The following TMEM255B variants were observed in gnomAD, a reference collection of about 807,000 sequenced individuals.
TMEM255B encodes transmembrane protein 255B.
A neutral mutation model predicts 34.5 loss-of-function variants in TMEM255B; 35 were observed. That is an observed-to-expected ratio of 1.01 (90% CI 0.77 to 1.34). The LOEUF (loss-of-function observed/expected upper bound fraction) is 1.34. TMEM255B is among the 40% of genes most tolerant of loss of function. TMEM255B has a pLI of 0.00. For synonymous variants in TMEM255B, 206 were observed against 201.2 expected (o/e 1.02, Z -0.20); for missense variants, 432 against 433.2 (o/e 1.00, Z 0.02).
intron 3 of TMEM255B, among the ~76,000 whole-genome samples, chr13:113,789,422 G>A (rs1404985404): frequency 6.6e-6 from 1 of 152,166 alleles, no homozygotes; most frequent in Non-Finnish European, 1.5e-5. Context: ...TTCCTGCTAT[G>A]CACGTTCTAG....
rs2051356833 is a variant in TMEM255B at position 113,813,005 on chromosome 13, A to ACGGGCCCCGGGTGAGTCACGGGTCCCGG, written c.*1102_*1103insCGGGCCCCGGGTGAGTCACGGGTCCCGG. 1 of 104,066 alleles carries ACGGGCCCCGGGTGAGTCACGGGTCCCGG rather than the reference A, an allele frequency of 9.6e-6. No homozygotes were observed. Among genetic ancestry groups the ACGGGCCCCGGGTGAGTCACGGGTCCCGG allele is most frequent in the African/African-American group, 5.1e-5 (1 of 19,770 alleles). 6.4% of individuals were successfully genotyped at this position (104,066 alleles called of 1,614,324 possible). On this transcript the variant is annotated 3_prime_UTR_variant, in exon 9 of 9. Transcript: ENST00000375353. ...GGTCCCGGGTGGGTCACGGGTCCCG[A>ACGGGCCCCGGGTGAGTCACGGGTCCCGG]GTGGGTCACGGGTCCCGGGTGGGTC...
chr13:113,792,394 C>T (rs1378738404), intron 3 of TMEM255B, among the ~76,000 whole-genome samples: 1 of 152,256 alleles, frequency 6.6e-6, no homozygotes, highest in Non-Finnish European at 1.5e-5. Flanking sequence ...ACCCCTAGCC[C>T]TGCACATCGT....
Position 113,811,884 on chromosome 13 carries a change from C to T in TMEM255B, c.962C>T (p.Pro321Leu). ...APTYFPPGEK[P>L]PPYAP is the part of the protein sequence containing the mutation. ...ACCTACTTTCCCCCGGGGGAGAAGC[C>T]ACCCCCCTACGCACCCTGATAGAGG... Residue 321 changes from proline to leucine, a missense_variant, in exon 9 of 9, where the codon CCA becomes CTA. Coordinates refer to ENST00000375353, the MANE Select transcript of TMEM255B (RefSeq NM_182614.4). 3 of 1,612,918 alleles carry T rather than the reference C, an allele frequency of 1.9e-6. No homozygotes were observed. Among genetic ancestry groups the T allele is most frequent in the Non-Finnish European group, 2.5e-6 (3 of 1,179,282 alleles).
chr13:113,777,794 T>C (rs1022391553), intron 3 of TMEM255B, among the ~76,000 whole-genome samples: 1 of 152,216 alleles, frequency 6.6e-6, no homozygotes, highest in Non-Finnish European at 1.5e-5. Flanking sequence ...CTGTGCAGCC[T>C]GGGCGGCCTC....
chr13:113,764,864 C>T (rs2050363515), intron 1 of TMEM255B, among the ~76,000 whole-genome samples: 1 of 152,188 alleles, frequency 6.6e-6, no homozygotes, highest in Non-Finnish European at 1.5e-5. Flanking sequence ...GATGCTGCAA[C>T]AAGCCTGCCT....
intron 8 of TMEM255B, among the ~76,000 whole-genome samples, chr13:113,808,807 T>C (rs2051239533): frequency 2.9e-5 from 3 of 104,520 alleles, no homozygotes; most frequent in Admixed American, 1.0e-4. Context: ...GGGGGGTTAC[T>C]CCATGTTTCC....
intron 7 of TMEM255B, among the ~76,000 whole-genome samples, chr13:113,802,097 C>T (rs1283852191): frequency 6.6e-6 from 1 of 152,228 alleles, no homozygotes; most frequent in Admixed American, 6.5e-5. Flanking sequence ...AGAGGGAGGC[C>T]CAGCCCTTGT....
intron 3 of TMEM255B, among the ~76,000 whole-genome samples, chr13:113,782,677 G>GT (rs765997226): frequency 1.1e-4 from 17 of 150,338 alleles, no homozygotes; most frequent in South Asian, 4.2e-4. Flanking sequence ...ATGGTCGGAG[G>GT]GGGGGGCTTC....
Position 113,812,919 on chromosome 13 carries a change from A to ACAGGTCCCGGGTGG in TMEM255B, c.*1016_*1017insCAGGTCCCGGGTGG, listed in dbSNP as rs1566341800. 7.2e-5 allele frequency: 5 copies of ACAGGTCCCGGGTGG among 69,786 alleles called. No homozygotes were observed. Among genetic ancestry groups the ACAGGTCCCGGGTGG allele is most frequent in the Middle Eastern group, 8.1e-3 (1 of 124 alleles). The allele number at this position is 69,786 out of a possible 1,614,324, so 4.3% of individuals were successfully genotyped here. A position where few individuals can be genotyped will look rare whatever the true frequency, so the allele number is the denominator to read the frequency against. On this transcript the variant is annotated 3_prime_UTR_variant, in exon 9 of 9. Coordinates refer to ENST00000375353, the MANE Select transcript of TMEM255B (RefSeq NM_182614.4). ...CCGGGTGAGTCACAGGCCCCGGGTG[A>ACAGGTCCCGGGTGG]GTCACGGGTCCCGGGTGGGTCACGG... is the stretch of plus-strand genomic sequence containing the variant.
rs948858969 is a variant in TMEM255B, at chr13:113,799,679, G to T, written c.423+260G>T. On this transcript the variant is annotated intron_variant, in intron 5 of 8. Coordinates refer to ENST00000375353, the MANE Select transcript of TMEM255B (RefSeq NM_182614.4). ...TCTCAGAGTGCACGTGTCCAGTTCT[G>T]TATGGCTCTTCCAATTAGCATTTTT... 4 of 676,748 alleles carry T rather than the reference G, an allele frequency of 5.9e-6. No individual in the cohort carries two copies. In the East Asian group the frequency reaches 8.1e-5, roughly 14 times the overall value. 41.9% of individuals were successfully genotyped at this position (676,748 alleles called of 1,614,324 possible). A position where few individuals can be genotyped will look rare whatever the true frequency, so the allele number is the denominator to read the frequency against.
Position 113,776,768 on chromosome 13 carries a change from G to T in TMEM255B, c.252+7608G>T, listed in dbSNP as rs1041002705. Among the ~76,000 whole-genome samples, 16 of 152,158 alleles carry T rather than the reference G, an allele frequency of 1.1e-4. 1 individual carries two copies. The highest frequency in any genetic ancestry group is 2.9e-5 in the Non-Finnish European group (2 of 68,022). On this transcript the variant is annotated intron_variant, in intron 3 of 8. Coordinates refer to ENST00000375353, the MANE Select transcript of TMEM255B (RefSeq NM_182614.4). ...GGCGCAGGCGACCTGTTCCTACCTT[G>T]GTTTTCCCTTGGTTGTCTCCCATCC...
At chr13:113,779,714 C>A (rs2050638282) in intron 3 of TMEM255B, among the ~76,000 whole-genome samples, 1 of 152,038 alleles carries the variant, frequency 6.6e-6, no homozygotes, top group Non-Finnish European at 1.5e-5. Flanking sequence ...TCAGTGATTT[C>A]CAGTTAGAAA....
chr13:113,788,854 A>G (rs969198587), intron 3 of TMEM255B, among the ~76,000 whole-genome samples: 5 of 151,498 alleles, frequency 3.3e-5, no homozygotes, highest in Admixed American at 6.6e-5. Flanking sequence ...CTCCCCTCCC[A>G]CTGACCACTG....
intron 7 of TMEM255B, 66 bp downstream of exon 7, chr13:113,801,878 G>T (rs998937670): frequency 1.4e-6 from 2 of 1,469,696 alleles, no homozygotes; most frequent in South Asian, 1.4e-5. Context: ...ATTTCCCCGG[G>T]GTGGGCTGGG....
chr13:113,811,770 C>T lies in TMEM255B; in HGVS notation c.848C>T (p.Ala283Val). The change falls in exon 9 of 9, where the codon GCC becomes GTC. Residue 283 changes from alanine to valine, a missense_variant. By Grantham distance (64) the Ala-to-Val change is moderately conservative. Transcript: ENST00000375353. ...CSRFPVAPSS[A>V]LASSEDLQPP... is the part of the protein sequence containing the mutation. ...CGCTTCCCAGTTGCGCCCTCCTCTG[C>T]CCTGGCTTCGTCTGAGGACCTGCAG... 1 of 1,613,904 alleles carries T rather than the reference C, an allele frequency of 6.2e-7. No individual in the cohort carries two copies. The highest frequency in any genetic ancestry group is 8.5e-7 in the Non-Finnish European group (1 of 1,179,906).
At chr13:113,761,336 C>G in intron 1 of TMEM255B, 3 of 985,350 alleles carry the variant, frequency 3.0e-6, no homozygotes, top group Non-Finnish European at 3.6e-6. Context: ...TCCAGCCTCG[C>G]GTGTCTTCCA....
intron 4 of TMEM255B, among the ~76,000 whole-genome samples, chr13:113,796,180 A>G (rs2050929867): frequency 1.4e-5 from 2 of 142,020 alleles, no homozygotes; most frequent in South Asian, 4.7e-4. Flanking sequence ...CACACCACAC[A>G]ACACACAGAG....
chr13:113,800,899 T>C lies in TMEM255B; in HGVS notation c.496T>C (p.Tyr166His). 1 of 1,609,540 alleles carries C rather than the reference T, an allele frequency of 6.2e-7. No homozygotes were observed. Among genetic ancestry groups the C allele is most frequent in the South Asian group, 1.1e-5 (1 of 90,102 alleles). Residue 166 changes from tyrosine (Y) to histidine (H), a missense_variant, in exon 6 of 9, where the codon TAT (tyrosine) becomes CAT (histidine). Physicochemically the swap from Tyr to His is moderately conservative, Grantham distance 83. Coordinates refer to ENST00000375353, the MANE Select transcript of TMEM255B (RefSeq NM_182614.4). ...CAACACCTGTTACTGCTGTGACCTC[T>C]ATGCCTGCGGGAGGTGAGGGGCACC... ...RSNTCYCCDL[Y>H]ACGSAEPSPA...
At position 113,799,470 on chromosome 13, in the gene TMEM255B, G is replaced by A. The variant is rs370896078; in HGVS notation, c.423+51G>A. 1.8e-5 allele frequency: 29 copies of A among 1,568,352 alleles called. No homozygotes were observed. In the Admixed American group the frequency reaches 2.5e-4, roughly 14 times the overall value. On this transcript the variant is annotated intron_variant, in intron 5 of 8. Transcript: ENST00000375353. Reference sequence around the variant, plus strand: ...TGGGTTTTGCTCAGCTAACCCCGCCGACCCCACGCGGTTTTCCCTGCACAT... The same window carrying A: ...TGGGTTTTGCTCAGCTAACCCCGCCAACCCCACGCGGTTTTCCCTGCACAT...
Sources: allele counts gnomAD v4.1 joint callset (sites outside exome capture counted in the v4.1 genomes callset), GRCh38; gene constraint gnomAD v4.1.1; transcripts MANE v1.5; gene names NCBI Gene and HGNC (gene_info 2026-07-23, HGNC 2026-07-21).